Variants in ECE1 observed in about 807,000 individuals in gnomAD.
ECE1 encodes endothelin converting enzyme 1.
In ECE1, 35 loss-of-function variants were observed where a neutral mutation model predicts 98.6. The observed-to-expected ratio is 0.35, with a 90% confidence interval of 0.27 to 0.47. The LOEUF is 0.47. Among genes scored for constraint, ECE1 ranks in the 20% least tolerant of loss-of-function variants. The pLI, the probability that ECE1 is intolerant of heterozygous loss-of-function variation, is 1.00. For synonymous variants in ECE1, 394 were observed against 407.1 expected, an observed-to-expected ratio of 0.97 and a Z score of 0.39; for missense variants, 814 against 1,025.3, an observed-to-expected ratio of 0.79 and a Z score of 2.81.
At position 21,219,263 on chromosome 1, in the gene ECE1, T is replaced by C. The variant is rs990292551; in HGVS notation, c.*692A>G. On this transcript the variant is annotated 3_prime_UTR_variant, in exon 19 of 19. Coordinates refer to ENST00000374893, the MANE Select transcript of ECE1 (RefSeq NM_001397.3). This position sits in a 1 kb window ranked among gnomAD's most constrained non-coding sequence, Gnocchi z 4.5. Reference sequence around the variant, plus strand: ...AGGCTAGCTGAAGGGGCAGTGCCCATGAGCTGGGCCCCCCGCAGAGCAGGC... The same window carrying C: ...AGGCTAGCTGAAGGGGCAGTGCCCACGAGCTGGGCCCCCCGCAGAGCAGGC... 1 of 152,662 alleles carries C rather than the reference T, an allele frequency of 6.6e-6. No individual in the cohort carries two copies. The highest frequency in any genetic ancestry group is 1.5e-5 in the Non-Finnish European group (1 of 68,396). The allele number at this position is 152,662 out of a possible 1,614,324, so 9.5% of individuals were successfully genotyped here. A position where few individuals can be genotyped will look rare whatever the true frequency, so the allele number is the denominator to read the frequency against.
intron 2 of ECE1, among the ~76,000 whole-genome samples, chr1:21,288,954 T>G (rs960509492): frequency 1.3e-5 from 2 of 152,152 alleles, no homozygotes; most frequent in African/African-American, 4.8e-5. Context: ...GTAGAGCCCT[T>G]GGGACTGTGA....
chr1:21,291,830 C>A (rs1204481468), upstream of ECE1, among the ~76,000 whole-genome samples: 2 of 151,792 alleles, frequency 1.3e-5, no homozygotes, highest in African/African-American at 2.4e-5. Flanking sequence ...CCATCTCAAA[C>A]AAACAAACCA....
Position 21,290,399 on chromosome 1 carries a change from G to A in ECE1, c.16C>T (p.Pro6Ser). ...GACAGCAGGGCGGACACCGGGGGCG[G>A]CCACACGCCCCGCATGCTGTGCCCC... Reference protein sequence around the residue: MRGVWPPPVSALLSAL... With the variant: MRGVWSPPVSALLSAL... Residue 6 changes from proline to serine, a missense_variant, in exon 1 of 19, where the codon CCG becomes TCG. Transcript: ENST00000374893. The surrounding 1 kb of genome is among the most constrained non-coding windows in gnomAD (Gnocchi z 7.3). 4 of 1,238,950 alleles carry A rather than the reference G, an allele frequency of 3.2e-6. No individual in the cohort carries two copies. Among genetic ancestry groups the A allele is most frequent in the Non-Finnish European group, 4.0e-6 (4 of 993,392 alleles). The allele number at this position is 1,238,950 out of a possible 1,614,324, so 76.7% of individuals were successfully genotyped here. A position where few individuals can be genotyped will look rare whatever the true frequency, so the allele number is the denominator to read the frequency against.
chr1:21,238,532 G>A (rs2098191333), intron 10 of ECE1, among the ~76,000 whole-genome samples: 1 of 152,138 alleles, frequency 6.6e-6, no homozygotes, highest in Non-Finnish European at 1.5e-5. Context: ...TGACTGATGG[G>A]GAAACACACT....
chr1:21,326,961 G>A (rs889248347), intron 1 of ECE1, among the ~76,000 whole-genome samples: 3 of 152,182 alleles, frequency 2.0e-5, no homozygotes, highest in African/African-American at 7.2e-5. Flanking sequence ...CAGTGGCTCT[G>A]GCCCCTAAAC....
chr1:21,330,669 G>T (rs213039), intron 1 of ECE1, among the ~76,000 whole-genome samples: 82,364 of 152,032 alleles, frequency 0.54, 23,751 homozygotes, highest in African/African-American at 0.76. Flanking sequence ...CAGTTTGAAT[G>T]CCAACTTTTT....
chr1:21,265,524 T>G (rs923027018), intron 4 of ECE1, among the ~76,000 whole-genome samples: 2 of 152,186 alleles, frequency 1.3e-5, no homozygotes, highest in Admixed American at 1.3e-4. Context: ...AGATCGAGAC[T>G]TGGTTTCAAA....
intron 1 of ECE1, chr1:21,297,950 T>C (rs576289479): frequency 5.2e-5 from 8 of 152,426 alleles, no homozygotes; most frequent in Admixed American, 3.3e-4. Flanking sequence ...GTGATGCTCT[T>C]GCCTCAGCTT....
intron 4 of ECE1, among the ~76,000 whole-genome samples, chr1:21,269,523 G>A (rs1402240294): frequency 3.3e-5 from 5 of 152,186 alleles, no homozygotes. Context: ...GATGAGCCGA[G>A]GACCTAAAAA....
At chr1:21,343,058 T>C (rs898700803) in intron 1 of ECE1, among the ~76,000 whole-genome samples, 2 of 152,140 alleles carry the variant, frequency 1.3e-5, no homozygotes. Context: ...TGCTCCTCTG[T>C]CACACAGGTC....
intron 1 of ECE1, among the ~76,000 whole-genome samples, chr1:21,331,260 G>A (rs749976159): frequency 3.3e-5 from 5 of 151,970 alleles, no homozygotes; most frequent in Non-Finnish European, 7.4e-5. Flanking sequence ...AAAATTAGCC[G>A]GGCGTGGTGG....
intron 1 of ECE1, among the ~76,000 whole-genome samples, chr1:21,311,728 T>C (rs921194489): frequency 2.6e-5 from 4 of 152,038 alleles, no homozygotes; most frequent in Admixed American, 6.6e-5. Flanking sequence ...GGTGGGAGGA[T>C]TGCTTGAGCC....
chr1:21,317,246 C>T (rs1350661598), intron 1 of ECE1, among the ~76,000 whole-genome samples: 5 of 152,290 alleles, frequency 3.3e-5, no homozygotes, highest in East Asian at 3.9e-4. Context: ...TGCTGCCATG[C>T]GATCCTAGTC....
Position 21,260,322 on chromosome 1 carries a change from C to A in ECE1, c.564G>T (p.Glu188Asp). ...TGGCCCTGAGCTCCTCGATCCTGGT[C>A]TCGTTCATGCACGCACGGTAGTATA... ...AQVYYRACMN[E>D]TRIEELRAKP... The change falls in exon 5 of 19, where the codon GAG becomes GAT. Residue 188 changes from glutamate (E) to aspartate (D), a missense_variant. Physicochemically the swap from Glu to Asp is conservative, Grantham distance 45. Coordinates refer to ENST00000374893, the MANE Select transcript of ECE1 (RefSeq NM_001397.3). This position sits in a 1 kb window ranked among gnomAD's most constrained non-coding sequence, Gnocchi z 4.3. 6.2e-7 allele frequency: 1 copy of A among 1,614,262 alleles called. No homozygotes were observed. Among genetic ancestry groups the A allele is most frequent in the Non-Finnish European group, 8.5e-7 (1 of 1,180,054 alleles).
At position 21,228,245 on chromosome 1, in the gene ECE1, G is replaced by C. The variant is rs28368031; in HGVS notation, c.1671-204C>G. ...GACAGGGTCTCGTTCTGTCGCCTAG[G>C]CTGGAGTGCAGTCGTGTGATCATGG... is the stretch of plus-strand genomic sequence containing the variant. On this transcript the variant is annotated intron_variant, in intron 14 of 18. Transcript: ENST00000374893. Among the ~76,000 whole-genome samples the C allele has an allele frequency of 3.8e-3, 577 of 152,242 alleles. 5 individuals are homozygous for C. The highest frequency in any genetic ancestry group is 0.013 in the African/African-American group (551 of 41,542).
At chr1:21,279,418 A>G in intron 2 of ECE1, 86 bp from the exon 3 acceptor site, 1 of 1,605,848 alleles carries the variant, frequency 6.2e-7, no homozygotes, top group Non-Finnish European at 8.5e-7. Flanking sequence ...CTGCAGGCCC[A>G]GGCCCTGGAG....
chr1:21,265,072 T>C (rs916457219), intron 4 of ECE1, among the ~76,000 whole-genome samples: 3 of 152,242 alleles, frequency 2.0e-5, no homozygotes, highest in Non-Finnish European at 4.4e-5. Flanking sequence ...GTTTACTGTC[T>C]GTCTTCCCTG....
intron 14 of ECE1, among the ~76,000 whole-genome samples, chr1:21,229,083 C>T (rs75969680): frequency 0.027 from 4,146 of 152,054 alleles, 85 homozygotes; most frequent in Non-Finnish European, 0.034. Flanking sequence ...CCTCGTGATC[C>T]GCCTGCCTCG....
At chr1:21,329,434 C>T (rs56920416) in intron 1 of ECE1, among the ~76,000 whole-genome samples, 7,392 of 151,844 alleles carry the variant, frequency 0.049, 622 homozygotes, top group African/African-American at 0.17. Flanking sequence ...CTTAAAAACA[C>T]GAGTACAGGC....
Sources: gnomAD v4.1 joint callset for allele counts (sites outside exome capture counted in the v4.1 genomes callset) on GRCh38, gnomAD v4.1.1 for gene constraint, Gnocchi (gnomAD v3.1) non-coding constraint, MANE v1.5 for transcripts, NCBI Gene and HGNC (gene_info 2026-07-23, HGNC 2026-07-21) for gene names.